The following CPAMD8 variants were observed in gnomAD, a reference collection of about 807,000 sequenced individuals.
The protein encoded by CPAMD8 is C3 and PZP-like alpha-2-macroglobulin domain-containing protein 8.
CPAMD8 carries 146 observed loss-of-function variants against 224.7 expected under a neutral mutation model. That is an observed-to-expected ratio of 0.65 (90% CI 0.57 to 0.75). CPAMD8 has a LOEUF of 0.75. Ranked by LOEUF, CPAMD8 falls within the 30% of genes least tolerant of loss-of-function variation. The pLI, the probability that CPAMD8 is intolerant of heterozygous loss-of-function variation, is 0.00. For synonymous variants in CPAMD8, 966 were observed against 1,044.6 expected (o/e 0.92, Z 1.45); for missense variants, 2,301 against 2,537.5 (o/e 0.91, Z 2.00).
At chr19:16,975,666 C>T (rs575640766) in intron 16 of CPAMD8, among the ~76,000 whole-genome samples, 30 of 152,228 alleles carry the variant, frequency 2.0e-4, no homozygotes, top group Non-Finnish European at 3.8e-4. Flanking sequence ...TATGATCACG[C>T]CACTGCACTC....
In CPAMD8 at chr19:16,939,901, G is replaced by GT. The variant is rs951268272; in HGVS notation, c.2794-1456dup. Among the ~76,000 whole-genome samples, 11 of 151,146 alleles carry GT rather than the reference G, an allele frequency of 7.3e-5. No individual in the cohort carries two copies. In the East Asian group the frequency reaches 2.0e-3, roughly 27 times the overall value. ...TTTGTTGTTGTTGTTGTTGTTTTGG[G>GT]TTTTTTTTGTTTTTGTTTTTGTTTT... is the stretch of plus-strand genomic sequence containing the variant. On this transcript the variant is annotated intron_variant, in intron 22 of 41. Transcript: ENST00000443236.
intron 23 of CPAMD8, among the ~76,000 whole-genome samples, chr19:16,935,494 T>C (rs1374396724): frequency 6.6e-6 from 1 of 152,218 alleles, no homozygotes; most frequent in Non-Finnish European, 1.5e-5. Context: ...AAAATATAAA[T>C]GGAATAATTC....
intron 19 of CPAMD8, among the ~76,000 whole-genome samples, chr19:16,953,992 G>A (rs1222011420): frequency 1.3e-5 from 2 of 151,840 alleles, no homozygotes; most frequent in Non-Finnish European, 2.9e-5. Flanking sequence ...TGGGCATGGT[G>A]GCTCACACCT....
At chr19:16,988,883 G>A (rs2055839082) in intron 13 of CPAMD8, among the ~76,000 whole-genome samples, 1 of 152,132 alleles carries the variant, frequency 6.6e-6, no homozygotes, top group African/African-American at 2.4e-5. Context: ...ATATTACCAT[G>A]TGAGCTCCAC....
At chr19:17,021,983 C>T in intron 2 of CPAMD8, 47 bp downstream of exon 2, 1 of 1,524,116 alleles carries the variant, frequency 6.6e-7, no homozygotes. Context: ...AGTGGCTCCA[C>T]TTTGCAAAAG....
In CPAMD8 at chr19:17,026,653, CT is replaced by C. The variant is rs1400235970; in HGVS notation, c.-12del. 2.8e-6 allele frequency: 4 copies of C among 1,409,842 alleles called. No homozygotes were observed. The African/African-American group carries it at 6.0e-5, about 21-fold the overall frequency. The allele number at this position is 1,409,842 out of a possible 1,614,324, so 87.3% of individuals were successfully genotyped here. The stretch of plus-strand genomic sequence containing the variant: ...CAGGGCGCCGCTCATTTTTCGGCTC[CT>C]GGGGGGCGCCGCGCCTGGGGAGGGG... On this transcript the variant is annotated 5_prime_UTR_variant, in exon 1 of 42. Coordinates refer to ENST00000443236, the MANE Select transcript of CPAMD8 (RefSeq NM_015692.5).
At chr19:16,999,748 A>G (rs7252314) in intron 10 of CPAMD8, among the ~76,000 whole-genome samples, 25,987 of 152,158 alleles carry the variant, frequency 0.17, 2,360 homozygotes, top group Admixed American at 0.23. Context: ...TCCTGAGCTC[A>G]AGAGATCTTC....
chr19:16,967,194 A>G (rs1159705328), intron 18 of CPAMD8, among the ~76,000 whole-genome samples: 2 of 152,144 alleles, frequency 1.3e-5, no homozygotes, highest in East Asian at 1.9e-4. Flanking sequence ...TTGCAGGGAC[A>G]TGGATGAAGC....
intron 27 of CPAMD8, among the ~76,000 whole-genome samples, chr19:16,915,191 C>T (rs1233805216): frequency 2.0e-5 from 3 of 151,920 alleles, no homozygotes; most frequent in African/African-American, 7.3e-5. Flanking sequence ...GCCAAAAGGC[C>T]CCTGATCTCA....
chr19:16,929,080 C>T lies in CPAMD8; in HGVS notation c.3006G>A (p.Leu1002=). The change falls in exon 24 of 42, where the codon CTG becomes CTA. Residue 1002 remains leucine (L), a synonymous_variant. Coordinates refer to ENST00000443236, the MANE Select transcript of CPAMD8 (RefSeq NM_015692.5). ...ATGACCTGGTGTTCTGATGCCCCCCCAGGACGATCTCGATCATGCCTGCTG... is the reference window on the plus strand; with the variant it reads ...ATGACCTGGTGTTCTGATGCCCCCCTAGGACGATCTCGATCATGCCTGCTG... The part of the protein sequence containing the change: ...QDTAGMIEIV[L]GGHQNTRSWI... The T allele has an allele frequency of 6.2e-7, 1 of 1,614,164 alleles. No homozygotes were observed. Among genetic ancestry groups the T allele is most frequent in the Non-Finnish European group, 8.5e-7 (1 of 1,180,006 alleles).
In CPAMD8 at chr19:16,927,996, G is replaced by A. The variant is rs1427779304; in HGVS notation, c.3370+13C>T. On this transcript the variant is annotated intron_variant, in intron 25 of 41. Coordinates refer to ENST00000443236, the MANE Select transcript of CPAMD8 (RefSeq NM_015692.5). Reference sequence around the variant, plus strand: ...CCCTGACCTCTCCAAGCCAGGCTGTGGGACAGACGCACCGATGATGGAGGC... The same window carrying A: ...CCCTGACCTCTCCAAGCCAGGCTGTAGGACAGACGCACCGATGATGGAGGC... 1 of 1,590,914 alleles carries A rather than the reference G, an allele frequency of 6.3e-7. No individual in the cohort carries two copies. Among genetic ancestry groups the A allele is most frequent in the Non-Finnish European group, 8.6e-7 (1 of 1,159,160 alleles).
chr19:16,966,026 A>G (rs2122568555), intron 18 of CPAMD8, among the ~76,000 whole-genome samples: 1 of 152,332 alleles, frequency 6.6e-6, no homozygotes, highest in Admixed American at 6.5e-5. Context: ...AAGAGCCCAC[A>G]TTGCCAAGAC....
At chr19:16,917,361 A>G (rs1404009062) in intron 27 of CPAMD8, among the ~76,000 whole-genome samples, 1 of 152,244 alleles carries the variant, frequency 6.6e-6, no homozygotes, top group Non-Finnish European at 1.5e-5. Context: ...CAAGATGCCT[A>G]TCACATGGGA....
chr19:16,985,343 G>A (rs1012979226), intron 13 of CPAMD8, among the ~76,000 whole-genome samples: 20 of 48,608 alleles, frequency 4.1e-4, no homozygotes, highest in African/African-American at 6.2e-4. Flanking sequence ...GATGAAGGGC[G>A]GATGGATGGA....
chr19:16,992,275 G>A (rs758288280), intron 12 of CPAMD8, among the ~76,000 whole-genome samples: 34 of 152,108 alleles, frequency 2.2e-4, no homozygotes, highest in Admixed American at 2.2e-3. Context: ...TAAAGACTCT[G>A]GAGTGATCAC....
intron 29 of CPAMD8, 34 bp from the exon 30 acceptor site, chr19:16,907,151 G>A: frequency 6.6e-7 from 1 of 1,505,400 alleles, no homozygotes; most frequent in Non-Finnish European, 8.9e-7. Context: ...AAACCTGGGA[G>A]GCTGCTCTGC....
In CPAMD8 at chr19:16,976,227, A is replaced by G. The variant is rs140254927; in HGVS notation, c.1759-76T>C. On this transcript the variant is annotated intron_variant, in intron 15 of 41. Coordinates refer to ENST00000443236, the MANE Select transcript of CPAMD8 (RefSeq NM_015692.5). ...GTGGTGGCTCACGCCTGTAATCCCAACACTTTGGGAGGCCGAGGCGGGTGG... is the reference window on the plus strand; with the variant it reads ...GTGGTGGCTCACGCCTGTAATCCCAGCACTTTGGGAGGCCGAGGCGGGTGG... The G allele has an allele frequency of 7.3e-4, 938 of 1,286,946 alleles. 11 individuals carry two copies. In the East Asian group the frequency reaches 0.021, roughly 28 times the overall value. 79.7% of individuals were successfully genotyped at this position (1,286,946 alleles called of 1,614,324 possible). A position where few individuals can be genotyped will look rare whatever the true frequency, so the allele number is the denominator to read the frequency against.
In CPAMD8 at chr19:16,896,649, C is replaced by T; in HGVS notation, c.5082G>A (p.Glu1694=). The change falls in exon 40 of 42, where the codon GAG becomes GAA. Residue 1694 remains glutamate, a synonymous_variant. Coordinates refer to ENST00000443236, the MANE Select transcript of CPAMD8 (RefSeq NM_015692.5). Reference sequence around the variant, plus strand: ...CCTCAGGGGCCACGGCAGGGCCCGACTCGCCGGGGAACCAGCCTGGGGGAC... The same window carrying T: ...CCTCAGGGGCCACGGCAGGGCCCGATTCGCCGGGGAACCAGCCTGGGGGAC... The part of the protein sequence containing the change: ...PARGPGWFPG[E]SGPAVAPEEG... 6.8e-7 allele frequency: 1 copy of T among 1,472,012 alleles called. No homozygotes were observed. The highest frequency in any genetic ancestry group is 9.0e-7 in the Non-Finnish European group (1 of 1,114,796). The allele number at this position is 1,472,012 out of a possible 1,614,324, so 91.2% of individuals were successfully genotyped here. A position where few individuals can be genotyped will look rare whatever the true frequency, so the allele number is the denominator to read the frequency against.
chr19:17,004,807 G>A (rs1260344833), intron 7 of CPAMD8, among the ~76,000 whole-genome samples: 2 of 152,068 alleles, frequency 1.3e-5, no homozygotes, highest in African/African-American at 4.8e-5. Flanking sequence ...GCTGTAGGAT[G>A]CTGAGCAGCA....
Sources: allele counts gnomAD v4.1 joint callset (sites outside exome capture counted in the v4.1 genomes callset), GRCh38; gene constraint gnomAD v4.1.1; transcripts MANE v1.5; gene names NCBI Gene and HGNC (gene_info 2026-07-23, HGNC 2026-07-21).